Variants in YTHDC2 observed in about 807,000 individuals in gnomAD.
YTHDC2 encodes 3'-5' RNA helicase YTHDC2.
In YTHDC2, 45 loss-of-function variants were observed where a neutral mutation model predicts 174.9. The ratio of observed to expected loss-of-function variants is 0.26; its 90% CI spans 0.20 to 0.33. YTHDC2 has a LOEUF of 0.33. Ranked by LOEUF, YTHDC2 falls within the 10% of genes least tolerant of loss-of-function variation. The pLI is 1.00. For synonymous variants in YTHDC2, 657 were observed against 574.5 expected, an observed-to-expected ratio of 1.14 and a Z score of -2.05; for missense variants, 1,650 against 1,723.7, an observed-to-expected ratio of 0.96 and a Z score of 0.76.
chr5:113,550,103 C>T (rs1027929626), intron 12 of YTHDC2, among the ~76,000 whole-genome samples: 1 of 98,188 alleles, frequency 1.0e-5, no homozygotes, highest in South Asian at 4.3e-4. Context: ...AAAAGAAAAA[C>T]AAAAATTGGG....
At chr5:113,534,225 G>A in intron 5 of YTHDC2, 80 bp from the exon 6 acceptor site, 1 of 1,030,228 alleles carries the variant, frequency 9.7e-7, no homozygotes, top group Admixed American at 1.7e-5. Context: ...ATGTGTACGA[G>A]GCCAGCATTT....
intron 10 of YTHDC2, 95 bp from the exon 11 acceptor site, chr5:113,548,446 G>C: frequency 2.4e-6 from 3 of 1,260,518 alleles, no homozygotes; most frequent in South Asian, 3.1e-5. Context: ...TAATTATCCT[G>C]AAACTCAGTT....
intron 28 of YTHDC2, 27 bp from the exon 29 acceptor site, chr5:113,593,276 G>C (rs569248373): frequency 1.3e-6 from 2 of 1,585,832 alleles, no homozygotes; most frequent in Non-Finnish European, 1.7e-6. Context: ...TTCTTTTTAT[G>C]TTTATTTTGA....
Position 113,548,980 on chromosome 5 carries a change from T to C in YTHDC2, c.1648T>C (p.Phe550Leu). The change falls in exon 12 of 30, where the codon TTT becomes CTT. Residue 550 changes from phenylalanine to leucine, a missense_variant. Physicochemically the swap from Phe to Leu is conservative, Grantham distance 22. Around this residue, in one of 5 missense-constraint regions of YTHDC2, gnomAD observed 411 missense variants for 380.6 expected, o/e 1.08. Transcript: ENST00000161863. ...GATGGCATTGGATTGGGCTAAACAC[T>C]TTGGGCAGACTGAAATTGTGGATCT... Reference protein sequence around the residue: ...GWMALDWAKHFGQTEIVDLLE... With the variant: ...GWMALDWAKHLGQTEIVDLLE... 2 of 1,613,244 alleles carry C rather than the reference T, an allele frequency of 1.2e-6. No homozygotes were observed. The highest frequency in any genetic ancestry group is 1.7e-6 in the Non-Finnish European group (2 of 1,179,496).
intron 26 of YTHDC2, among the ~76,000 whole-genome samples, chr5:113,587,865 A>T (rs1021884093): frequency 4.0e-5 from 6 of 151,826 alleles, no homozygotes; most frequent in Non-Finnish European, 8.8e-5. Flanking sequence ...TCAACAATTA[A>T]CACTTCTTAG....
At chr5:113,585,435 A>G (rs933581187) in intron 26 of YTHDC2, among the ~76,000 whole-genome samples, 1 of 152,082 alleles carries the variant, frequency 6.6e-6, no homozygotes, top group Non-Finnish European at 1.5e-5. Flanking sequence ...ATGTTTTTGT[A>G]GATTTGCATT....
At chr5:113,556,970 C>G (rs1193914511) in intron 17 of YTHDC2, among the ~76,000 whole-genome samples, 2 of 152,242 alleles carry the variant, frequency 1.3e-5, no homozygotes, top group East Asian at 1.9e-4. Flanking sequence ...AAATGTAGAT[C>G]TGTGTGTTCT....
At chr5:113,536,361 T>C (rs1775072691) in intron 7 of YTHDC2, among the ~76,000 whole-genome samples, 2 of 152,064 alleles carry the variant, frequency 1.3e-5, no homozygotes, top group Non-Finnish European at 2.9e-5. Context: ...CTGTCTCTAC[T>C]AAAAATACAA....
At chr5:113,550,744 A>G (rs1171914567) in intron 12 of YTHDC2, among the ~76,000 whole-genome samples, 1 of 152,130 alleles carries the variant, frequency 6.6e-6, no homozygotes, top group Non-Finnish European at 1.5e-5. Context: ...CTATAAAACC[A>G]TTTACCACCA....
chr5:113,550,321 A>G (rs913329608), intron 12 of YTHDC2, among the ~76,000 whole-genome samples: 1 of 152,120 alleles, frequency 6.6e-6, no homozygotes, highest in African/African-American at 2.4e-5. Flanking sequence ...AAAAAGCTTT[A>G]TGAATCTGTT....
At chr5:113,555,045 G>A (rs1294488602) in intron 16 of YTHDC2, among the ~76,000 whole-genome samples, 1 of 151,730 alleles carries the variant, frequency 6.6e-6, no homozygotes, top group African/African-American at 2.4e-5. Flanking sequence ...TTGAATAAAG[G>A]TGGGATAAAT....
intron 24 of YTHDC2, chr5:113,581,204 G>A (rs1287821168): frequency 2.4e-6 from 1 of 422,364 alleles, no homozygotes; most frequent in Non-Finnish European, 4.1e-6. Context: ...TTTCTTATTA[G>A]ACTATTTAAT....
At chr5:113,589,152 T>G (rs1384362392) in intron 26 of YTHDC2, among the ~76,000 whole-genome samples, 1 of 151,764 alleles carries the variant, frequency 6.6e-6, no homozygotes, top group Non-Finnish European at 1.5e-5. Context: ...TACTTCTGCC[T>G]GAAGAACCTC....
intron 2 of YTHDC2, among the ~76,000 whole-genome samples, chr5:113,518,598 TG>T (rs1773651307): frequency 6.9e-6 from 1 of 145,434 alleles, no homozygotes; most frequent in Admixed American, 7.1e-5. Context: ...TGTGTGTGTG[TG>T]TATCTGTAGG....
chr5:113,553,288 T>G lies in YTHDC2; in HGVS notation c.1796T>G (p.Phe599Cys). ...CTCCTGAAAGCTTATCATCATAGTT[T>G]CGATGATGAAAAAGTAGACTTGGAT... ...RELLKAYHHS[F>C]DDEKVDLDLI... The change falls in exon 13 of 30, where the codon TTC becomes TGC. Residue 599 changes from phenylalanine (F) to cysteine (C), a missense_variant. Phe to Cys is a radical substitution (Grantham distance 205). Around this residue, in one of 5 missense-constraint regions of YTHDC2, gnomAD observed 411 missense variants for 380.6 expected, o/e 1.08. Coordinates refer to ENST00000161863, the MANE Select transcript of YTHDC2 (RefSeq NM_022828.5). 6.2e-7 allele frequency: 1 copy of G among 1,611,900 alleles called. No individual in the cohort carries two copies. The highest frequency in any genetic ancestry group is 8.5e-7 in the Non-Finnish European group (1 of 1,178,882).
At chr5:113,591,000 A>T in intron 26 of YTHDC2, 41 bp from the exon 27 acceptor site, 3 of 1,559,098 alleles carry the variant, frequency 1.9e-6, no homozygotes, top group Non-Finnish European at 2.6e-6. Context: ...TGGTTTTGAA[A>T]GGTCAGGTTA....
intron 2 of YTHDC2, among the ~76,000 whole-genome samples, chr5:113,521,523 G>C (rs1561621681): frequency 6.6e-6 from 1 of 152,054 alleles, no homozygotes; most frequent in Non-Finnish European, 1.5e-5. Flanking sequence ...CTGAGGTCAG[G>C]AGTTCCAGAC....
chr5:113,527,424 CT>C (rs1285099270), intron 4 of YTHDC2, among the ~76,000 whole-genome samples: 2 of 152,144 alleles, frequency 1.3e-5, no homozygotes, highest in African/African-American at 4.8e-5. Flanking sequence ...TCATATGACT[CT>C]TGTGTACATT....
At chr5:113,518,214 G>A (rs1209105355) in intron 2 of YTHDC2, among the ~76,000 whole-genome samples, 1 of 135,748 alleles carries the variant, frequency 7.4e-6, no homozygotes, top group East Asian at 2.2e-4. Context: ...TTTTTTTGGA[G>A]ACAAGGTCTT....
Sources: gnomAD v4.1 joint callset for allele counts (sites outside exome capture counted in the v4.1 genomes callset) on GRCh38, gnomAD v4.1.1 for gene constraint, gnomAD v4.1.1 regional missense constraint, MANE v1.5 for transcripts, NCBI Gene and HGNC (gene_info 2026-07-23, HGNC 2026-07-21) for gene names.